The following SIK3 variants were observed in gnomAD, a reference collection of about 807,000 sequenced individuals.
SIK3 encodes the protein serine/threonine-protein kinase SIK3.
Under a neutral mutation model 144.2 loss-of-function variants are expected in SIK3, and 28 were observed. The ratio of observed to expected loss-of-function variants is 0.19; its 90% CI spans 0.14 to 0.27. The LOEUF (loss-of-function observed/expected upper bound fraction) is 0.27, where lower values mean the gene tolerates loss of function less well. Among genes scored for constraint, SIK3 ranks in the 10% least tolerant of loss-of-function variants. The pLI is 1.00. For synonymous variants in SIK3, 686 were observed against 676.3 expected (o/e 1.01, Z -0.22); for missense variants, 1,319 against 1,776.0 (o/e 0.74, Z 4.62).
chr11:117,086,088 G>T lies in SIK3; in HGVS notation c.273+12055C>A, dbSNP rs539242002. ...ACTGTATAGGAGGGCTTCTATTGGAGATAAAAGAAAAGCAGTTACCACCAA... is the reference window on the plus strand; with the variant it reads ...ACTGTATAGGAGGGCTTCTATTGGATATAAAAGAAAAGCAGTTACCACCAA... On this transcript the variant is annotated intron_variant, in intron 1 of 24. Coordinates refer to ENST00000445177, the MANE Select transcript of SIK3 (RefSeq NM_001366686.3). 2.0e-5 allele frequency among the ~76,000 whole-genome samples: 3 copies of T among 152,324 alleles called. No homozygotes were observed. The South Asian group carries it at 6.2e-4, about 32-fold the overall frequency.
intron 1 of SIK3, among the ~76,000 whole-genome samples, chr11:117,007,758 T>C (rs1015908429): frequency 1.3e-5 from 2 of 152,210 alleles, no homozygotes; most frequent in East Asian, 3.8e-4. Context: ...GAGCTCACCC[T>C]TCTGTCAAGT....
chr11:117,049,618 A>G (rs1953133915), intron 1 of SIK3, among the ~76,000 whole-genome samples: 1 of 152,108 alleles, frequency 6.6e-6, no homozygotes, highest in Non-Finnish European at 1.5e-5. Flanking sequence ...AAAGGAAAAG[A>G]AAAAAACCTT....
chr11:116,958,062 A>G (rs940733907), intron 1 of SIK3, among the ~76,000 whole-genome samples: 3 of 152,220 alleles, frequency 2.0e-5, no homozygotes, highest in East Asian at 1.9e-4. Flanking sequence ...CTCAGTTTCA[A>G]TTATGTAATC....
intron 3 of SIK3, among the ~76,000 whole-genome samples, chr11:116,936,856 C>CTGTACA (rs1361274930): frequency 2.0e-5 from 3 of 152,238 alleles, no homozygotes; most frequent in African/African-American, 7.2e-5. Context: ...CACCAACATG[C>CTGTACA]TGTACACTTT....
intron 1 of SIK3, among the ~76,000 whole-genome samples, chr11:116,992,642 T>C (rs1487829871): frequency 6.6e-6 from 1 of 152,068 alleles, no homozygotes; most frequent in Non-Finnish European, 1.5e-5. Flanking sequence ...GCAGAAATGG[T>C]TGTCTTTGCC....
intron 4 of SIK3, among the ~76,000 whole-genome samples, chr11:116,903,751 A>T (rs1486303809): frequency 6.6e-6 from 1 of 151,946 alleles, no homozygotes; most frequent in African/African-American, 2.4e-5. Context: ...CTAGCTATTT[A>T]AAAAAAATTT....
chr11:117,051,289 G>T (rs1953228772), intron 1 of SIK3, among the ~76,000 whole-genome samples: 1 of 151,996 alleles, frequency 6.6e-6, no homozygotes, highest in African/African-American at 2.4e-5. Context: ...TGATTCCCCT[G>T]GTTCTCAGGA....
At chr11:116,931,670 T>C (rs1947609931) in intron 3 of SIK3, among the ~76,000 whole-genome samples, 1 of 152,208 alleles carries the variant, frequency 6.6e-6, no homozygotes, top group Non-Finnish European at 1.5e-5. Flanking sequence ...CTGAAAAAAC[T>C]TCTGCCAATT....
intron 4 of SIK3, among the ~76,000 whole-genome samples, chr11:116,921,927 CT>C (rs560541355): frequency 0.013 from 1,853 of 145,966 alleles, 38 homozygotes; most frequent in African/African-American, 0.042. Flanking sequence ...ATGGTTCAAT[CT>C]TTTTTTTTTT....
At chr11:116,864,733 G>A (rs989277974) in intron 15 of SIK3, 1 of 152,308 alleles carries the variant, frequency 6.6e-6, no homozygotes, top group Admixed American at 6.5e-5. Flanking sequence ...AAGGATCAGG[G>A]TTTCATGTCC....
chr11:116,919,039 G>A (rs1024640012), intron 4 of SIK3, among the ~76,000 whole-genome samples: 5 of 152,056 alleles, frequency 3.3e-5, no homozygotes, highest in Non-Finnish European at 7.4e-5. Flanking sequence ...TCAATTCACT[G>A]GACATGTCAA....
In SIK3 at chr11:116,846,280, G is replaced by T; in HGVS notation, c.*13+103C>A. 1.7e-6 allele frequency: 2 copies of T among 1,209,848 alleles called. No homozygotes were observed. Among genetic ancestry groups the T allele is most frequent in the Non-Finnish European group, 2.4e-6 (2 of 850,996 alleles). 74.9% of individuals were successfully genotyped at this position (1,209,848 alleles called of 1,614,324 possible). A position where few individuals can be genotyped will look rare whatever the true frequency, so the allele number is the denominator to read the frequency against. ...CCACGAGGGGAGGCGTGGTACTGTC[G>T]ACTGCACTGGCCACCACAACACATG... On this transcript the variant is annotated intron_variant, in intron 24 of 24. Transcript: ENST00000445177. This position sits in a 1 kb window ranked among gnomAD's most constrained non-coding sequence, Gnocchi z 4.1.
At chr11:117,070,860 C>G (rs1196736111) in intron 1 of SIK3, among the ~76,000 whole-genome samples, 3 of 149,558 alleles carry the variant, frequency 2.0e-5, no homozygotes, top group African/African-American at 7.5e-5. Context: ...TCGAGCAATT[C>G]TCCTGTCTCA....
At chr11:117,033,725 GAAAGAAAAGA>G (rs1299761549) in intron 1 of SIK3, among the ~76,000 whole-genome samples, 2 of 124,256 alleles carry the variant, frequency 1.6e-5, no homozygotes, top group East Asian at 2.2e-4. Flanking sequence ...AAAAAAAAAA[GAAAGAAAAGA>G]AAAGAAAAAA....
intron 1 of SIK3, among the ~76,000 whole-genome samples, chr11:117,048,858 T>G (rs887684583): frequency 6.6e-6 from 1 of 152,070 alleles, no homozygotes; most frequent in Non-Finnish European, 1.5e-5. Context: ...ATCCCAGCAC[T>G]TAGGGAAGCT....
intron 1 of SIK3, among the ~76,000 whole-genome samples, chr11:117,026,072 G>A (rs936099246): frequency 1.3e-5 from 2 of 152,126 alleles, no homozygotes; most frequent in African/African-American, 2.4e-5. Context: ...AGCCAAAAGG[G>A]GGAAATGTAG....
At chr11:117,074,376 G>A (rs903174884) in intron 1 of SIK3, among the ~76,000 whole-genome samples, 5 of 152,140 alleles carry the variant, frequency 3.3e-5, no homozygotes, top group Non-Finnish European at 7.4e-5. Context: ...TTTGGGTAAA[G>A]TAGACAGATA....
rs374228618 is a variant in SIK3, at chr11:117,050,145, C to T, written c.273+47998G>A. Among the ~76,000 whole-genome samples, 11 of 151,952 alleles carry T rather than the reference C, an allele frequency of 7.2e-5. No homozygotes were observed. The East Asian group carries it at 9.7e-4, about 13-fold the overall frequency. ...TCTCTTCAAAAGTACAAAAATAAGC[C>T]GGGCATGGTAGCAGGCACCTATAAT... On this transcript the variant is annotated intron_variant, in intron 1 of 24. Transcript: ENST00000445177.
At chr11:116,921,849 G>C (rs1591329643) in intron 4 of SIK3, among the ~76,000 whole-genome samples, 2 of 150,096 alleles carry the variant, frequency 1.3e-5, no homozygotes, top group Admixed American at 1.3e-4. Flanking sequence ...ATTCTCTCTA[G>C]AAACAGAACT....
Sources: gnomAD v4.1 joint callset for allele counts (sites outside exome capture counted in the v4.1 genomes callset) on GRCh38, gnomAD v4.1.1 for gene constraint, Gnocchi (gnomAD v3.1) non-coding constraint, MANE v1.5 for transcripts, NCBI Gene and HGNC (gene_info 2026-07-23, HGNC 2026-07-21) for gene names.